The following SIGLEC5 variants were observed in gnomAD, a reference collection of about 807,000 sequenced individuals.
SIGLEC5 encodes the protein sialic acid binding Ig like lectin 5.
SIGLEC5 carries 34 observed loss-of-function variants against 45.9 expected under a neutral mutation model. That is an observed-to-expected ratio of 0.74 (90% CI 0.56 to 0.99). The LOEUF is 0.99. SIGLEC5 is among the 50% of genes least tolerant of loss of function. SIGLEC5 has a pLI of 0.00. For missense variants in SIGLEC5, 508 were observed against 629.6 expected (o/e 0.81, Z 2.07); for synonymous variants, 203 against 258.6 (o/e 0.79, Z 2.06).
chr19:51,624,931 T>TC (rs1983422954), intron 8 of SIGLEC5, among the ~76,000 whole-genome samples: 1 of 151,636 alleles, frequency 6.6e-6, no homozygotes, highest in Admixed American at 6.6e-5. Context: ...GCCAGTGCAC[T>TC]CCAGCCTGGG....
chr19:51,617,604 TA>T (rs1410266996), intron 8 of SIGLEC5, among the ~76,000 whole-genome samples: 1 of 151,984 alleles, frequency 6.6e-6, no homozygotes, highest in Admixed American at 6.6e-5. Flanking sequence ...TCCTGCCAAA[TA>T]AAATTAAAAT....
In SIGLEC5 at chr19:51,627,616, G is replaced by A; in HGVS notation, c.1128C>T (p.Ser376=). The change falls in exon 6 of 9, where the codon AGC becomes AGT. Residue 376 remains serine (S), a synonymous_variant. Transcript: ENST00000683636. ...RLEEKPLEGN[S]SQGSFKVNSS... ...AGTTGACCTTGAATGAGCCCTGGCT[G>A]CTGTTCCCCTCCAGCGGCTTCTCCT... 6.2e-7 allele frequency: 1 copy of A among 1,613,426 alleles called. No homozygotes were observed. The highest frequency in any genetic ancestry group is 8.5e-7 in the Non-Finnish European group (1 of 1,179,906).
At chr19:51,623,243 G>C (rs917380629) in intron 8 of SIGLEC5, among the ~76,000 whole-genome samples, 2 of 151,992 alleles carry the variant, frequency 1.3e-5, no homozygotes, top group Non-Finnish European at 2.9e-5. Flanking sequence ...TCTAATCTTA[G>C]GATGGGTGAA....
chr19:51,626,687 A>G (rs1568592199), intron 7 of SIGLEC5, among the ~76,000 whole-genome samples: 1 of 152,090 alleles, frequency 6.6e-6, no homozygotes, highest in African/African-American at 2.4e-5. Flanking sequence ...TAAGGGGTGC[A>G]AGGTTTCTTT....
chr19:51,623,093 C>T (rs1397611014), intron 8 of SIGLEC5, among the ~76,000 whole-genome samples: 1 of 152,218 alleles, frequency 6.6e-6, no homozygotes, highest in Non-Finnish European at 1.5e-5. Context: ...GTACCCAATT[C>T]TTCATGAAGT....
intron 8 of SIGLEC5, among the ~76,000 whole-genome samples, chr19:51,625,595 C>T (rs1011640139): frequency 4.0e-5 from 6 of 151,856 alleles, no homozygotes; most frequent in Admixed American, 6.6e-5. Flanking sequence ...TTTGGGAGGC[C>T]GAGGCGGGCG....
At chr19:51,623,436 A>G (rs1239139879) in intron 8 of SIGLEC5, among the ~76,000 whole-genome samples, 2 of 152,244 alleles carry the variant, frequency 1.3e-5, no homozygotes, top group Non-Finnish European at 2.9e-5. Context: ...GTAAAAATGT[A>G]TAAAGCCCTC....
Position 51,627,547 on chromosome 19 carries a change from G to C in SIGLEC5, c.1197C>G (p.His399Gln), listed in dbSNP as rs1011645346. Reference sequence around the variant, plus strand: ...CTTTGAGGTCGGAGCTGAGCCCCCCGTGGAGGATCAGGGAGCTGTTGGCCC... The same window carrying C: ...CTTTGAGGTCGGAGCTGAGCCCCCCCTGGAGGATCAGGGAGCTGTTGGCCC... ...GPWANSSLIL[H>Q]GGLSSDLKVS... Residue 399 changes from histidine to glutamine, a missense_variant, in exon 6 of 9, where the codon CAC becomes CAG. Transcript: ENST00000683636. The C allele has an allele frequency of 6.2e-7, 1 of 1,614,070 alleles. No homozygotes were observed. Among genetic ancestry groups the C allele is most frequent in the African/African-American group, 1.3e-5 (1 of 75,048 alleles).
rs1291266282 is a variant in SIGLEC5 at position 51,627,880 on chromosome 19, C to T, written c.951G>A (p.Gln317=). The T allele has an allele frequency of 6.2e-7, 1 of 1,612,226 alleles. No individual in the cohort carries two copies. Among genetic ancestry groups the T allele is most frequent in the Non-Finnish European group, 8.5e-7 (1 of 1,179,218 alleles). Residue 317 remains glutamine, a synonymous_variant, in exon 5 of 9, where the codon CAG becomes CAA. Coordinates refer to ENST00000683636, the MANE Select transcript of SIGLEC5 (RefSeq NM_003830.4). ...AEEGGFTCRA[Q]HPLGFLQIFL... ...AAATTTGCAGGAAGCCCAGCGGGTG[C>T]TGAGCGCGGCAGGTGAAGCCTCCTT...
In SIGLEC5 at chr19:51,629,086, A is replaced by G. The variant is rs1983625537; in HGVS notation, c.701-10T>C. 2 of 1,613,760 alleles carry G rather than the reference A, an allele frequency of 1.2e-6. No homozygotes were observed. Among genetic ancestry groups the G allele is most frequent in the Non-Finnish European group, 8.5e-7 (1 of 1,179,780 alleles). The stretch of plus-strand genomic sequence containing the variant: ...ATGGTCTGTGGAGCATCTGGGATAA[A>G]AAGATATAAACTTGGCTTCAGCAGT... On this transcript the variant is annotated splice_polypyrimidine_tract_variant and intron_variant, in intron 3 of 8. Coordinates refer to ENST00000683636, the MANE Select transcript of SIGLEC5 (RefSeq NM_003830.4).
chr19:51,627,336 G>A (rs946636125), intron 6 of SIGLEC5, 88 bp from the exon 7 acceptor site: 7 of 1,536,108 alleles, frequency 4.6e-6, no homozygotes, highest in Non-Finnish European at 6.2e-6. Context: ...CCAGGGCCCT[G>A]CTCAGACAGG....
intron 8 of SIGLEC5, among the ~76,000 whole-genome samples, chr19:51,617,141 A>G (rs774835465): frequency 3.4e-5 from 5 of 149,088 alleles, no homozygotes; most frequent in African/African-American, 4.9e-5. Flanking sequence ...TGTAGTCCCA[A>G]CTACTCGGAG....
intron 8 of SIGLEC5, among the ~76,000 whole-genome samples, chr19:51,622,687 G>A (rs1182988244): frequency 6.6e-6 from 1 of 152,178 alleles, no homozygotes; most frequent in African/African-American, 2.4e-5. Context: ...CAATGGAGAA[G>A]GGAGAAGGAC....
intron 8 of SIGLEC5, among the ~76,000 whole-genome samples, chr19:51,615,498 G>A (rs1477989348): frequency 6.6e-6 from 1 of 152,194 alleles, no homozygotes; most frequent in African/African-American, 2.4e-5. Flanking sequence ...GTGTCCAACA[G>A]GCATGTGTTG....
chr19:51,622,419 G>A (rs8113092), intron 8 of SIGLEC5, among the ~76,000 whole-genome samples: 2,722 of 151,328 alleles, frequency 0.018, 89 homozygotes, highest in African/African-American at 0.062. Context: ...GATTACAGGC[G>A]TGAGCCACCG....
In SIGLEC5 at chr19:51,628,798, G is replaced by A. The variant is rs568246341; in HGVS notation, c.739+240C>T. Among the ~76,000 whole-genome samples the A allele has an allele frequency of 3.3e-5, 5 of 149,578 alleles. No individual in the cohort carries two copies. The South Asian group carries it at 8.5e-4, about 25-fold the overall frequency. ...TGTGTGGTGTATTGCATGTGTATGTGTGTGGTGTATATGCATGTGTGTGTG... is the reference window on the plus strand; with the variant it reads ...TGTGTGGTGTATTGCATGTGTATGTATGTGGTGTATATGCATGTGTGTGTG... On this transcript the variant is annotated intron_variant, in intron 4 of 8. Coordinates refer to ENST00000683636, the MANE Select transcript of SIGLEC5 (RefSeq NM_003830.4).
intron 8 of SIGLEC5, among the ~76,000 whole-genome samples, chr19:51,623,137 G>A (rs913930388): frequency 1.3e-5 from 2 of 152,086 alleles, no homozygotes; most frequent in Admixed American, 6.5e-5. Flanking sequence ...TATTGAAACA[G>A]TTCATGTACC....
Position 51,627,053 on chromosome 19 carries a change from ATCACCACC to A in SIGLEC5, c.1382+88_1382+95del. ...TGAGCATCTGGAACCACAAGCACAC[ATCACCACC>A]TCTGGCCTTAGCTCTGTGTTTCTGA... On this transcript the variant is annotated intron_variant, in intron 7 of 8. Transcript: ENST00000683636. The A allele has an allele frequency of 3.3e-6, 3 of 909,818 alleles. No homozygotes were observed. The South Asian group carries it at 4.6e-5, about 14-fold the overall frequency. The allele number at this position is 909,818 out of a possible 1,614,324, so 56.4% of individuals were successfully genotyped here. A position where few individuals can be genotyped will look rare whatever the true frequency, so the allele number is the denominator to read the frequency against.
intron 8 of SIGLEC5, among the ~76,000 whole-genome samples, chr19:51,623,946 G>A (rs963293196): frequency 1.3e-5 from 2 of 152,136 alleles, no homozygotes; most frequent in South Asian, 4.1e-4. Flanking sequence ...GGAGGTCAAG[G>A]TGGGTGGATC....
Sources: allele counts gnomAD v4.1 joint callset (sites outside exome capture counted in the v4.1 genomes callset), GRCh38; gene constraint gnomAD v4.1.1; transcripts MANE v1.5; gene names NCBI Gene and HGNC (gene_info 2026-07-23, HGNC 2026-07-21).